The following CRADD variants were observed in gnomAD, a reference collection of about 807,000 sequenced individuals.
CRADD encodes CARD and death domain containing adaptor protein, also known as death domain-containing protein CRADD.
In CRADD, 9 loss-of-function variants were observed where a neutral mutation model predicts 15.5. That is an observed-to-expected ratio of 0.58 (90% CI 0.35 to 1.01). The LOEUF is 1.01. Among genes scored for constraint, CRADD ranks in the 50% least tolerant of loss-of-function variants. The pLI is 0.02. For synonymous variants in CRADD, 118 were observed against 107.6 expected (o/e 1.10, Z -0.60); for missense variants, 227 against 250.3 (o/e 0.91, Z 0.63).
intron 2 of CRADD, among the ~76,000 whole-genome samples, chr12:93,743,646 A>G (rs1291048986): frequency 2.0e-5 from 3 of 152,180 alleles, no homozygotes; most frequent in Non-Finnish European, 4.4e-5. Flanking sequence ...TCTTACTCAT[A>G]TATTTTAGTG....
chr12:93,785,316 A>G (rs1397388306), intron 2 of CRADD, among the ~76,000 whole-genome samples: 1 of 152,216 alleles, frequency 6.6e-6, no homozygotes, highest in Non-Finnish European at 1.5e-5. Context: ...AAAATGATTC[A>G]AACTGATTTC....
At chr12:93,834,077 T>G (rs1230463998) in intron 2 of CRADD, among the ~76,000 whole-genome samples, 1 of 152,060 alleles carries the variant, frequency 6.6e-6, no homozygotes, top group Non-Finnish European at 1.5e-5. Context: ...GGTGGGCGCA[T>G]AAGATCAACA....
downstream of CRADD, among the ~76,000 whole-genome samples, chr12:93,853,669 C>T (rs1958247168): frequency 6.6e-6 from 1 of 152,178 alleles, no homozygotes; most frequent in African/African-American, 2.4e-5. Flanking sequence ...TTATCTCTTC[C>T]TAACAGCAAG....
At chr12:93,847,516 A>AAAC (rs1565937782) in intron 2 of CRADD, among the ~76,000 whole-genome samples, 1 of 140,474 alleles carries the variant, frequency 7.1e-6, no homozygotes, top group African/African-American at 2.7e-5. Context: ...AAAAAAAAAA[A>AAAC]AAAAACCTCC....
chr12:93,714,157 G>A (rs1432342233), intron 2 of CRADD, among the ~76,000 whole-genome samples: 1 of 152,208 alleles, frequency 6.6e-6, no homozygotes, highest in Non-Finnish European at 1.5e-5. Flanking sequence ...GCTCCTTCTA[G>A]AGATAATGAA....
At chr12:93,681,547 A>T (rs1200871733) in intron 2 of CRADD, among the ~76,000 whole-genome samples, 1 of 152,214 alleles carries the variant, frequency 6.6e-6, no homozygotes, top group Non-Finnish European at 1.5e-5. Flanking sequence ...AAACTCTTTT[A>T]AAAAAGACTT....
At chr12:93,859,750 G>A (rs1351884124) in intron 2 of CRADD, among the ~76,000 whole-genome samples, 1 of 151,680 alleles carries the variant, frequency 6.6e-6, no homozygotes, top group Non-Finnish European at 1.5e-5. Context: ...TAAGAGACAG[G>A]GTCTCACTCT....
chr12:93,863,250 T>G (rs1245855853), intron 2 of CRADD, among the ~76,000 whole-genome samples: 1 of 152,066 alleles, frequency 6.6e-6, no homozygotes, highest in Non-Finnish European at 1.5e-5. Context: ...AAGGAACTGG[T>G]CTTGCCCTAT....
chr12:93,887,665 G>A (rs1213048925), intron 2 of CRADD, among the ~76,000 whole-genome samples: 6 of 152,178 alleles, frequency 3.9e-5, no homozygotes, highest in Non-Finnish European at 7.3e-5. Flanking sequence ...CTCTTTCCTA[G>A]TAGTGCCTCT....
At position 93,679,021 on chromosome 12, in the gene CRADD, A is replaced by G. The variant is rs1342893790; in HGVS notation, c.247A>G (p.Arg83Gly). The G allele has an allele frequency of 6.2e-7, 1 of 1,614,040 alleles. No homozygotes were observed. The highest frequency in any genetic ancestry group is 8.5e-7 in the Non-Finnish European group (1 of 1,179,968). Residue 83 changes from arginine (R) to glycine (G), a missense_variant, in exon 2 of 3, where the codon AGG becomes GGG. Physicochemically the swap from Arg to Gly is moderately radical, Grantham distance 125. Transcript: ENST00000332896. ...LDSLQEFPWV[R>G]EKLKKAREEA... ...TTCCCTACAGGAGTTTCCCTGGGTC[A>G]GGGAGAAGCTGAAGAAGGCAAGGGA...
intron 2 of CRADD, among the ~76,000 whole-genome samples, chr12:93,793,346 A>T (rs938463267): frequency 2.6e-5 from 4 of 152,200 alleles, no homozygotes; most frequent in Non-Finnish European, 4.4e-5. Flanking sequence ...ATAAAGCTAG[A>T]AAACAAAAGG....
At chr12:93,881,902 G>A (rs1262450952) in intron 2 of CRADD, among the ~76,000 whole-genome samples, 12 of 152,040 alleles carry the variant, frequency 7.9e-5, no homozygotes, top group East Asian at 5.8e-4. Context: ...CGAGGCAGGC[G>A]GATCACTAGA....
At chr12:93,749,853 T>A (rs987068493) in intron 2 of CRADD, among the ~76,000 whole-genome samples, 1 of 152,204 alleles carries the variant, frequency 6.6e-6, no homozygotes, top group African/African-American at 2.4e-5. Flanking sequence ...TTATTTCAAG[T>A]CCGTTAGGGG....
intron 2 of CRADD, among the ~76,000 whole-genome samples, chr12:93,767,354 C>G (rs1445051965): frequency 2.0e-5 from 3 of 152,164 alleles, no homozygotes; most frequent in African/African-American, 4.8e-5. Context: ...TCTCTCAGGT[C>G]CCTTGTTTCA....
chr12:93,756,867 C>T (rs917217262), intron 2 of CRADD, among the ~76,000 whole-genome samples: 16 of 152,326 alleles, frequency 1.1e-4, no homozygotes, highest in African/African-American at 3.8e-4. Flanking sequence ...GAAGGTATCT[C>T]TCATTCTCCT....
At chr12:93,777,648 TATC>T (rs1957154687) in intron 2 of CRADD, among the ~76,000 whole-genome samples, 1 of 152,208 alleles carries the variant, frequency 6.6e-6, no homozygotes, top group African/African-American at 2.4e-5. Flanking sequence ...TGCTAGTAAA[TATC>T]ATAAGAATGT....
At position 93,805,482 on chromosome 12, in the gene CRADD, T is replaced by C. The variant is rs188312500; in HGVS notation, c.299-44488T>C. On this transcript the variant is annotated intron_variant, in intron 2 of 2. Coordinates refer to ENST00000332896, the MANE Select transcript of CRADD (RefSeq NM_003805.5). Reference sequence around the variant, plus strand: ...TCAGTTTTTCTTTTTCTTTATTTTTTTGAGCCAGTCCTCCGAGCCTGTTTC... The same window carrying C: ...TCAGTTTTTCTTTTTCTTTATTTTTCTGAGCCAGTCCTCCGAGCCTGTTTC... 7.2e-5 allele frequency among the ~76,000 whole-genome samples: 11 copies of C among 152,136 alleles called. No homozygotes were observed. The East Asian group carries it at 2.1e-3, about 29-fold the overall frequency.
At chr12:93,733,135 G>C (rs1956496838) in intron 2 of CRADD, among the ~76,000 whole-genome samples, 1 of 152,158 alleles carries the variant, frequency 6.6e-6, no homozygotes, top group South Asian at 2.1e-4. Context: ...TCAATGAATG[G>C]TTACTATCAT....
intron 2 of CRADD, among the ~76,000 whole-genome samples, chr12:93,748,026 A>T (rs1405604450): frequency 6.6e-6 from 1 of 152,150 alleles, no homozygotes; most frequent in Admixed American, 6.5e-5. Context: ...TTTATGTAAT[A>T]TTATATATCA....
Sources: allele counts gnomAD v4.1 joint callset (sites outside exome capture counted in the v4.1 genomes callset), GRCh38; gene constraint gnomAD v4.1.1; transcripts MANE v1.5; gene names NCBI Gene and HGNC (gene_info 2026-07-23, HGNC 2026-07-21).